Variants in SREK1IP1 observed in about 807,000 individuals in gnomAD.
SREK1IP1 encodes protein SREK1IP1.
In SREK1IP1, 12 loss-of-function variants were observed where a neutral mutation model predicts 22.8. The ratio of observed to expected loss-of-function variants is 0.53; its 90% CI spans 0.34 to 0.85. SREK1IP1 has a LOEUF of 0.85. Ranked by LOEUF, SREK1IP1 falls within the 40% of genes least tolerant of loss-of-function variation. The pLI, the probability that SREK1IP1 is intolerant of heterozygous loss-of-function variation, is 0.02. For missense variants in SREK1IP1, 147 were observed against 171.8 expected (o/e 0.86, Z 0.81); for synonymous variants, 53 against 52.7 (o/e 1.01, Z -0.02).
intron 2 of SREK1IP1, among the ~76,000 whole-genome samples, chr5:64,746,449 G>A (rs1352859249): frequency 6.6e-6 from 1 of 152,150 alleles, no homozygotes; most frequent in African/African-American, 2.4e-5. Flanking sequence ...CTATCTGGTA[G>A]AGCTTAATAT....
chr5:64,755,874 G>A (rs1290274148), intron 1 of SREK1IP1, among the ~76,000 whole-genome samples: 1 of 151,416 alleles, frequency 6.6e-6, no homozygotes, highest in Non-Finnish European at 1.5e-5. Flanking sequence ...CATACATTAA[G>A]GTTAACAAAT....
At position 64,750,307 on chromosome 5, in the gene SREK1IP1, T is replaced by C. The variant is rs562711307; in HGVS notation, c.61+4008A>G. ...ATAGATCTGTTTTTGATTCTCATTA[T>C]GATCTTCATTCCCTTAATGCCTTCA... On this transcript the variant is annotated intron_variant, in intron 2 of 4. Coordinates refer to ENST00000513458, the MANE Select transcript of SREK1IP1 (RefSeq NM_173829.4). 9.2e-5 allele frequency among the ~76,000 whole-genome samples: 14 copies of C among 152,356 alleles called. No homozygotes were observed. In the South Asian group the frequency reaches 2.7e-3, roughly 29 times the overall value.
intron 1 of SREK1IP1, among the ~76,000 whole-genome samples, chr5:64,762,026 G>A (rs186142673): frequency 1.3e-5 from 2 of 152,296 alleles, no homozygotes; most frequent in Admixed American, 6.5e-5. Context: ...TCAGTGGTCC[G>A]CAAAGGAATG....
intron 2 of SREK1IP1, among the ~76,000 whole-genome samples, chr5:64,748,637 A>T (rs1338443303): frequency 6.6e-6 from 1 of 152,194 alleles, no homozygotes; most frequent in Non-Finnish European, 1.5e-5. Flanking sequence ...GAACAATAAC[A>T]AAAATAACAA....
chr5:64,765,919 G>A (rs943950371), intron 1 of SREK1IP1, among the ~76,000 whole-genome samples: 5 of 152,206 alleles, frequency 3.3e-5, no homozygotes, highest in African/African-American at 1.2e-4. Flanking sequence ...AATGAAATGA[G>A]CAGTGATAAC....
intron 1 of SREK1IP1, among the ~76,000 whole-genome samples, chr5:64,759,111 C>T (rs1025051333): frequency 6.6e-6 from 1 of 152,164 alleles, no homozygotes; most frequent in Non-Finnish European, 1.5e-5. Context: ...GCAGTAGCAG[C>T]CCTAACCAGG....
chr5:64,738,687 T>C (rs1198141896), intron 3 of SREK1IP1, among the ~76,000 whole-genome samples: 1 of 152,058 alleles, frequency 6.6e-6, no homozygotes, highest in African/African-American at 2.4e-5. Context: ...CATGCATATA[T>C]GATGAACTGA....
chr5:64,762,075 T>C (rs1742961298), intron 1 of SREK1IP1, among the ~76,000 whole-genome samples: 3 of 152,238 alleles, frequency 2.0e-5, no homozygotes, highest in African/African-American at 4.8e-5. Context: ...AAATTTTACA[T>C]CACCTATCTT....
chr5:64,744,473 A>T (rs1247291493), intron 2 of SREK1IP1, among the ~76,000 whole-genome samples: 1 of 152,162 alleles, frequency 6.6e-6, no homozygotes, highest in Non-Finnish European at 1.5e-5. Flanking sequence ...GCAAGAATAG[A>T]GGTTGCTGCA....
chr5:64,736,554 C>T lies in SREK1IP1; in HGVS notation c.205+4503G>A, dbSNP rs527499920. The stretch of plus-strand genomic sequence containing the variant: ...TCGGCTCACTGCAACCTCTGCCTCC[C>T]GGGTTCAAGTGATTCTCCTGCCTGA... On this transcript the variant is annotated intron_variant, in intron 3 of 4. Coordinates refer to ENST00000513458, the MANE Select transcript of SREK1IP1 (RefSeq NM_173829.4). Among the ~76,000 whole-genome samples the T allele has an allele frequency of 4.0e-3, 607 of 151,926 alleles. 2 individuals carry two copies. Among genetic ancestry groups the T allele is most frequent in the African/African-American group, 0.014 (564 of 41,410 alleles).
chr5:64,730,044 G>C (rs1272527512), intron 3 of SREK1IP1, among the ~76,000 whole-genome samples: 1 of 152,060 alleles, frequency 6.6e-6, no homozygotes, highest in South Asian at 2.1e-4. Flanking sequence ...AAAATACAGG[G>C]AGTAAAGCCC....
chr5:64,728,001 G>C lies in SREK1IP1; in HGVS notation c.278+106C>G, dbSNP rs1742304170. The C allele has an allele frequency of 6.0e-6, 6 of 993,214 alleles. No homozygotes were observed. In the South Asian group the frequency reaches 3.0e-4, roughly 50 times the overall value. 61.5% of individuals were successfully genotyped at this position (993,214 alleles called of 1,614,324 possible). ...AAGCTCAATGAAAAGCTTAGTTGTT[G>C]AAGAAAAAATATTAAATTAACTATT... is the stretch of plus-strand genomic sequence containing the variant. On this transcript the variant is annotated intron_variant, in intron 4 of 4. Coordinates refer to ENST00000513458, the MANE Select transcript of SREK1IP1 (RefSeq NM_173829.4).
chr5:64,736,501 G>GCTCAGGCT (rs1319197564), intron 3 of SREK1IP1, among the ~76,000 whole-genome samples: 1 of 145,872 alleles, frequency 6.9e-6, no homozygotes, highest in Non-Finnish European at 1.5e-5. Context: ...TCACTCTGTT[G>GCTCAGGCT]CTCAGGCTGG....
rs546749992 is a variant in SREK1IP1 at position 64,768,627 on chromosome 5, C to T, written c.-110G>A. ...AAGCGGCGTTTTCCTTCCCCCAGCG[C>T]AGCAGCACCCTCGCTACGGTCGGGA... On this transcript the variant is annotated 5_prime_UTR_variant, in exon 1 of 5. Coordinates refer to ENST00000513458, the MANE Select transcript of SREK1IP1 (RefSeq NM_173829.4). The T allele has an allele frequency of 1.5e-4, 224 of 1,494,190 alleles. No homozygotes were observed. Among genetic ancestry groups the T allele is most frequent in the Middle Eastern group, 9.4e-4 (5 of 5,328 alleles). 92.6% of individuals were successfully genotyped at this position (1,494,190 alleles called of 1,614,324 possible).
intron 1 of SREK1IP1, among the ~76,000 whole-genome samples, chr5:64,760,528 C>A (rs1271025430): frequency 6.6e-6 from 1 of 152,156 alleles, no homozygotes; most frequent in Non-Finnish European, 1.5e-5. Context: ...AGAAAAGCTA[C>A]ATGCAGACTG....
intron 1 of SREK1IP1, among the ~76,000 whole-genome samples, chr5:64,763,354 T>C (rs1742984244): frequency 6.6e-6 from 1 of 151,962 alleles, no homozygotes; most frequent in African/African-American, 2.4e-5. Flanking sequence ...CTGGCTAACA[T>C]GGTGAAACCT....
In SREK1IP1 at chr5:64,740,784, T is replaced by C. The variant is rs183233072; in HGVS notation, c.205+273A>G. Among the ~76,000 whole-genome samples the C allele has an allele frequency of 2.5e-3, 388 of 152,276 alleles. 1 individual carries two copies. The highest frequency in any genetic ancestry group is 3.4e-3 in the Middle Eastern group (1 of 294). On this transcript the variant is annotated intron_variant, in intron 3 of 4. Transcript: ENST00000513458. The stretch of plus-strand genomic sequence containing the variant: ...AGAAACCAAATCTTAAATCACACTT[T>C]TTCAGCCATTTGACACATATCCTAA...
chr5:64,728,613 T>C (rs1742316945), intron 3 of SREK1IP1, among the ~76,000 whole-genome samples: 1 of 152,212 alleles, frequency 6.6e-6, no homozygotes. Context: ...GCATTCTTTA[T>C]ATAAAACCAA....
At chr5:64,734,930 A>G (rs1300949201) in intron 3 of SREK1IP1, among the ~76,000 whole-genome samples, 1 of 152,094 alleles carries the variant, frequency 6.6e-6, no homozygotes, top group East Asian at 1.9e-4. Flanking sequence ...ACTCGCTAGA[A>G]TCTCCAGCAG....
Sources: gnomAD v4.1 joint callset for allele counts (sites outside exome capture counted in the v4.1 genomes callset) on GRCh38, gnomAD v4.1.1 for gene constraint, MANE v1.5 for transcripts, NCBI Gene and HGNC (gene_info 2026-07-23, HGNC 2026-07-21) for gene names.